The following DNMT3L variants were observed in gnomAD, a reference collection of about 807,000 sequenced individuals.
The protein encoded by DNMT3L is DNA (cytosine-5)-methyltransferase 3-like.
Under a neutral mutation model 36.2 loss-of-function variants are expected in DNMT3L, and 33 were observed. The observed-to-expected ratio is 0.91, with a 90% CI of 0.69 to 1.22. DNMT3L has a LOEUF of 1.22. Ranked by LOEUF, DNMT3L falls within the 50% of genes most tolerant of loss-of-function variation. The pLI is 0.00. For missense variants in DNMT3L, 310 were observed against 303.1 expected (o/e 1.02, Z -0.17); for synonymous variants, 117 against 121.7 (o/e 0.96, Z 0.26).
intron 2 of DNMT3L, 85 bp downstream of exon 2, chr21:44,261,069 C>T (rs945268815): frequency 3.3e-6 from 5 of 1,533,684 alleles, no homozygotes; most frequent in Admixed American, 3.5e-5. Context: ...TGCATGAATA[C>T]TCCAGAAGCC....
At chr21:44,261,404 C>A in intron 1 of DNMT3L, 138 bp from the exon 2 acceptor site, 1 of 733,962 alleles carries the variant, frequency 1.4e-6, no homozygotes, top group Admixed American at 2.4e-5. Context: ...CGGTGACACC[C>A]ACCTGCCCAA....
chr21:44,258,376 C>T lies in DNMT3L; in HGVS notation c.516+147G>A, dbSNP rs1442896739. 26 of 1,202,238 alleles carry T rather than the reference C, an allele frequency of 2.2e-5. No individual in the cohort carries two copies. Among genetic ancestry groups the T allele is most frequent in the Middle Eastern group, 2.9e-4 (1 of 3,446 alleles). The allele number at this position is 1,202,238 out of a possible 1,614,324, so 74.5% of individuals were successfully genotyped here. A position where few individuals can be genotyped will look rare whatever the true frequency, so the allele number is the denominator to read the frequency against. ...GCCACCATCGAGTGGAAGCCACTAT[C>T]GGAGAGGAACCCAGGAAAGAGTGTT... On this transcript the variant is annotated intron_variant, in intron 6 of 11. Transcript: ENST00000628202. This position sits in a 1 kb window ranked among gnomAD's most constrained non-coding sequence, Gnocchi z 6.2.
intron 7 of DNMT3L, among the ~76,000 whole-genome samples, chr21:44,255,736 G>A (rs2040252534): frequency 6.6e-6 from 1 of 152,196 alleles, no homozygotes; most frequent in Admixed American, 6.5e-5. Flanking sequence ...GCTCCTGATC[G>A]GCTGCATGGG....
chr21:44,259,842 T>A, intron 3 of DNMT3L, 131 bp from the exon 4 acceptor site: 1 of 954,680 alleles, frequency 1.0e-6, no homozygotes, highest in Non-Finnish European at 1.6e-6. Context: ...TGGAAGATGT[T>A]AAGGAAGATG....
In DNMT3L at chr21:44,257,701, T is replaced by TA. The variant is rs1491408015; in HGVS notation, c.516+821dup. Among the ~76,000 whole-genome samples the TA allele has an allele frequency of 4.2e-3, 207 of 49,130 alleles. 6 individuals carry two copies. In the Middle Eastern group the frequency reaches 0.043, roughly 10 times the overall value. 32.2% of individuals were successfully genotyped at this position (49,130 alleles called of 152,430 possible). On this transcript the variant is annotated intron_variant, in intron 6 of 11. Coordinates refer to ENST00000628202, the MANE Select transcript of DNMT3L (RefSeq NM_175867.3). The stretch of plus-strand genomic sequence containing the variant: ...GTCTCAAAAAAAAAAAAAAAATAAA[T>TA]AAATAAATAAATAAATAAATAAAAA...
At chr21:44,253,524 C>T (rs1460347147) in intron 8 of DNMT3L, among the ~76,000 whole-genome samples, 1 of 152,168 alleles carries the variant, frequency 6.6e-6, no homozygotes, top group Non-Finnish European at 1.5e-5. Context: ...CAAGACCAGC[C>T]TGGCCAATAT....
chr21:44,256,419 ATTTTTTT>A (rs937821792), intron 6 of DNMT3L, among the ~76,000 whole-genome samples: 13 of 103,826 alleles, frequency 1.3e-4, no homozygotes, highest in African/African-American at 3.2e-4. Context: ...GGGTTTGCTG[ATTTTTTT>A]TTTTTTTTTT....
rs1173930802 is a variant in DNMT3L at position 44,258,374 on chromosome 21, A to G, written c.516+149T>C. ...AAGCCACCATCGAGTGGAAGCCACT[A>G]TCGGAGAGGAACCCAGGAAAGAGTG... On this transcript the variant is annotated intron_variant, in intron 6 of 11. Transcript: ENST00000628202. This position sits in a 1 kb window ranked among gnomAD's most constrained non-coding sequence, Gnocchi z 6.2. 6.8e-6 allele frequency: 8 copies of G among 1,182,794 alleles called. No individual in the cohort carries two copies. The highest frequency in any genetic ancestry group is 2.7e-5 in the East Asian group (1 of 36,620). 73.3% of individuals were successfully genotyped at this position (1,182,794 alleles called of 1,614,324 possible). A position where few individuals can be genotyped will look rare whatever the true frequency, so the allele number is the denominator to read the frequency against.
intron 7 of DNMT3L, 108 bp downstream of exon 7, chr21:44,255,959 T>C (rs2040254725): frequency 3.6e-6 from 4 of 1,115,744 alleles, no homozygotes; most frequent in African/African-American, 1.6e-5. Flanking sequence ...ACATCAGCAG[T>C]TGGCCGGTCT....
chr21:44,256,037 A>G (rs75141318), intron 7 of DNMT3L, 30 bp downstream of exon 7: 36,803 of 1,611,954 alleles, frequency 0.023, 767 homozygotes, highest in African/African-American at 0.089. Flanking sequence ...GCATCTTTCC[A>G]TGTGTGTCTT....
intron 1 of DNMT3L, 38 bp from the exon 2 acceptor site, chr21:44,261,304 G>C (rs755577981): frequency 6.3e-7 from 1 of 1,590,212 alleles, no homozygotes; most frequent in Non-Finnish European, 8.6e-7. Context: ...TGAGAAAGCC[G>C]TCAGCCCCTG....
intron 6 of DNMT3L, among the ~76,000 whole-genome samples, chr21:44,256,654 C>T (rs1174949840): frequency 6.6e-6 from 1 of 152,106 alleles, no homozygotes; most frequent in African/African-American, 2.4e-5. Context: ...CTCATCCTGG[C>T]AGCTTCCAGA....
intron 2 of DNMT3L, 61 bp from the exon 3 acceptor site, chr21:44,260,900 G>A (rs1428535385): frequency 6.2e-6 from 10 of 1,610,618 alleles, no homozygotes; most frequent in African/African-American, 2.7e-5. Context: ...ATTTAAATTC[G>A]GCCAGGAAGT....
chr21:44,260,763 T>G, intron 3 of DNMT3L, 32 bp downstream of exon 3: 1 of 1,613,096 alleles, frequency 6.2e-7, no homozygotes. Flanking sequence ...CCGTCTCTTT[T>G]GTCTGGTGTG....
At chr21:44,257,844 G>A (rs748018056) in intron 6 of DNMT3L, among the ~76,000 whole-genome samples, 13 of 152,176 alleles carry the variant, frequency 8.5e-5, no homozygotes, top group Non-Finnish European at 1.5e-4. Flanking sequence ...AGGCAAGGAC[G>A]TGCCAGGCCT....
chr21:44,256,870 T>C (rs1166945469), intron 6 of DNMT3L, among the ~76,000 whole-genome samples: 2 of 152,220 alleles, frequency 1.3e-5, no homozygotes, highest in East Asian at 3.9e-4. Flanking sequence ...GCTCTGTTCC[T>C]ATAAAATACC....
At chr21:44,259,309 A>C in intron 5 of DNMT3L, 128 bp downstream of exon 5, 5 of 960,928 alleles carry the variant, frequency 5.2e-6, no homozygotes, top group Non-Finnish European at 7.9e-6. Flanking sequence ...CATTGGAGAC[A>C]GAAATCAGAA....
At chr21:44,256,427 T>TC in intron 6 of DNMT3L, among the ~76,000 whole-genome samples, 1 of 146,760 alleles carries the variant, frequency 6.8e-6, no homozygotes, top group South Asian at 2.2e-4. Flanking sequence ...TGATTTTTTT[T>TC]TTTTTTTTTT....
chr21:44,256,511 G>T (rs900670230), intron 6 of DNMT3L, among the ~76,000 whole-genome samples: 1 of 143,410 alleles, frequency 7.0e-6, no homozygotes, highest in Non-Finnish European at 1.5e-5. Flanking sequence ...GCAACTTTCC[G>T]CCTCCCGGGT....
Sources: gnomAD v4.1 joint callset for allele counts (sites outside exome capture counted in the v4.1 genomes callset) on GRCh38, gnomAD v4.1.1 for gene constraint, Gnocchi (gnomAD v3.1) non-coding constraint, MANE v1.5 for transcripts, NCBI Gene and HGNC (gene_info 2026-07-23, HGNC 2026-07-21) for gene names.